Variants in RABGGTB observed in about 807,000 individuals in gnomAD.
RABGGTB encodes geranylgeranyl transferase type-2 subunit beta.
In RABGGTB, 20 loss-of-function variants were observed where a neutral mutation model predicts 44.5. That is an observed-to-expected ratio of 0.45 (90% CI 0.32 to 0.65). RABGGTB has a LOEUF of 0.65. RABGGTB is among the 30% of genes least tolerant of loss of function. The pLI is 0.05. For missense variants in RABGGTB, 302 were observed against 398.7 expected (o/e 0.76, Z 2.06); for synonymous variants, 128 against 136.7 (o/e 0.94, Z 0.44).
Position 75,787,507 on chromosome 1 carries a change from A to C in RABGGTB, c.14A>C (p.Gln5Pro). 6.2e-7 allele frequency: 1 copy of C among 1,613,478 alleles called. No homozygotes were observed. Among genetic ancestry groups the C allele is most frequent in the Non-Finnish European group, 8.5e-7 (1 of 1,179,388 alleles). Residue 5 changes from glutamine (Q) to proline (P), a missense_variant, in exon 2 of 9, where the codon CAG (glutamine) becomes CCG (proline). Physicochemically the swap from Gln to Pro is moderately conservative, Grantham distance 76. Around this residue, in one of 2 missense-constraint regions of RABGGTB, gnomAD observed 89 missense variants for 75.0 expected, o/e 1.19. Transcript: ENST00000319942. The part of the protein sequence containing the change: MGTP[Q>P]KDVIIKSDAP... ...ACTTTATTTTGAAAGGGCACTCCAC[A>C]GAAGGATGTTATTATCAAGTCAGAT...
Position 75,794,597 on chromosome 1 carries a change from A to T in RABGGTB, c.943A>T (p.Met315Leu). The change falls in exon 9 of 9, where the codon ATG becomes TTG. Residue 315 changes from methionine (M) to leucine (L), a missense_variant. Met to Leu is a conservative substitution (Grantham distance 15). Coordinates refer to ENST00000319942, the MANE Select transcript of RABGGTB (RefSeq NM_004582.4). The part of the protein sequence containing the change: ...QIKPVNPVFC[M>L]PEEVLQRVNV... ...TAAACCTGTTAATCCTGTCTTTTGCATGCCTGAAGAAGTGCTTCAGAGAGT... is the reference window on the plus strand; with the variant it reads ...TAAACCTGTTAATCCTGTCTTTTGCTTGCCTGAAGAAGTGCTTCAGAGAGT... The T allele has an allele frequency of 6.2e-7, 1 of 1,613,318 alleles. No individual in the cohort carries two copies. The highest frequency in any genetic ancestry group is 8.5e-7 in the Non-Finnish European group (1 of 1,179,566).
intron 7 of RABGGTB, among the ~76,000 whole-genome samples, chr1:75,792,775 G>A (rs890365452): frequency 1.3e-5 from 2 of 152,156 alleles, no homozygotes; most frequent in East Asian, 3.9e-4. Flanking sequence ...GCCATAAGTG[G>A]TAAGAAATGA....
At position 75,786,270 on chromosome 1, in the gene RABGGTB, A is replaced by G; in HGVS notation, c.-2A>G. ...CCCTGCTCTCTCCTTTCCCTGTTAG[A>G]CATGGTAAGTGTGAGTTTAGCGCTG... is the stretch of plus-strand genomic sequence containing the variant. On this transcript the variant is annotated 5_prime_UTR_variant, in exon 1 of 9. Coordinates refer to ENST00000319942, the MANE Select transcript of RABGGTB (RefSeq NM_004582.4). The G allele has an allele frequency of 6.2e-7, 1 of 1,614,170 alleles. No homozygotes were observed. Among genetic ancestry groups the G allele is most frequent in the Non-Finnish European group, 8.5e-7 (1 of 1,180,038 alleles).
At chr1:75,794,395 A>AT in intron 8 of RABGGTB, 115 bp from the exon 9 acceptor site, 2 of 1,325,696 alleles carry the variant, frequency 1.5e-6, no homozygotes, top group Non-Finnish European at 2.1e-6. Flanking sequence ...TCTTACAGAA[A>AT]TTTCTTGTCG....
At chr1:75,790,827 AC>A (rs1245122150) in intron 4 of RABGGTB, among the ~76,000 whole-genome samples, 2 of 152,040 alleles carry the variant, frequency 1.3e-5, no homozygotes, top group African/African-American at 4.8e-5. Context: ...GTGCACCACA[AC>A]ACCTGGCTGG....
chr1:75,786,249 G>C (rs762915321), upstream of RABGGTB: 10 of 1,613,996 alleles, frequency 6.2e-6, no homozygotes, highest in Non-Finnish European at 7.6e-6. Flanking sequence ...AACTGACCCT[G>C]CTCTCTCCTT....
chr1:75,786,561 CTT>C, intron 1 of RABGGTB: 6 of 368,476 alleles, frequency 1.6e-5, no homozygotes, highest in East Asian at 8.9e-5. Context: ...TGATTGGTGG[CTT>C]TTTTTTTTCT....
At chr1:75,789,656 C>A in intron 3 of RABGGTB, 1 of 599,590 alleles carries the variant, frequency 1.7e-6, no homozygotes, top group Non-Finnish European at 3.0e-6. Context: ...TAAAGTCTTT[C>A]TGGTACTACT....
intron 7 of RABGGTB, 156 bp from the exon 8 acceptor site, chr1:75,793,928 C>G (rs2100490815): frequency 1.6e-6 from 1 of 627,750 alleles, no homozygotes; most frequent in Non-Finnish European, 2.6e-6. Flanking sequence ...ATTTCATACC[C>G]TGCATATCAG....
intron 2 of RABGGTB, chr1:75,788,541 C>T (rs1057488175): frequency 1.3e-5 from 2 of 153,694 alleles, no homozygotes; most frequent in Admixed American, 6.4e-5. Flanking sequence ...TCTGCCTGCC[C>T]CAGCTTTCCA....
intron 3 of RABGGTB, 129 bp downstream of exon 3, chr1:75,789,485 A>T (rs772643263): frequency 4.4e-6 from 4 of 904,572 alleles, no homozygotes; most frequent in African/African-American, 1.6e-5. Context: ...AAGGTCAATG[A>T]TGTAATGGCA....
chr1:75,794,519 T>G lies in RABGGTB; in HGVS notation c.865T>G (p.Phe289Val). The change falls in exon 9 of 9, where the codon TTT becomes GTT. Residue 289 changes from phenylalanine (F) to valine (V), a missense_variant. Phe to Val is a conservative substitution (Grantham distance 50). This residue lies in a region of RABGGTB where 213 missense variants were observed against 323.7 expected (regional missense o/e 0.66). Coordinates refer to ENST00000319942, the MANE Select transcript of RABGGTB (RefSeq NM_004582.4). ...ATTCTTTTTTAAATAGGTGGATCCTTTTCATACCTTATTTGGAATTGCTGG... is the reference window on the plus strand; with the variant it reads ...ATTCTTTTTTAAATAGGTGGATCCTGTTCATACCTTATTTGGAATTGCTGG... ...ADRPGDMVDP[F>V]HTLFGIAGLS... The G allele has an allele frequency of 6.2e-7, 1 of 1,611,206 alleles. No homozygotes were observed. The highest frequency in any genetic ancestry group is 8.5e-7 in the Non-Finnish European group (1 of 1,178,354).
intron 2 of RABGGTB, chr1:75,788,729 A>G (rs920055895): frequency 6.2e-6 from 1 of 162,522 alleles, no homozygotes; most frequent in African/African-American, 2.4e-5. Context: ...GGGCATTTTG[A>G]TTTTTCATGT....
At chr1:75,790,236 A>T in intron 4 of RABGGTB, 179 bp downstream of exon 4, 1 of 1,339,612 alleles carries the variant, frequency 7.5e-7, no homozygotes, top group East Asian at 2.8e-5. Flanking sequence ...CAGCATATAC[A>T]GGAGCACTGG....
At position 75,794,203 on chromosome 1, in the gene RABGGTB, G is replaced by C. The variant is rs374261688; in HGVS notation, c.825G>C (p.Thr275=). Residue 275 remains threonine, a synonymous_variant, in exon 8 of 9, where the codon ACG becomes ACC. Transcript: ENST00000319942. Reference sequence around the variant, plus strand: ...TTTTAGCATGTCAAGATGAAGAAACGGGGGGATTTGCAGACAGGCCAGGAG... The same window carrying C: ...TTTTAGCATGTCAAGATGAAGAAACCGGGGGATTTGCAGACAGGCCAGGAG... The part of the protein sequence containing the change: ...NFILACQDEE[T]GGFADRPGDM... The C allele has an allele frequency of 6.2e-7, 1 of 1,612,940 alleles. No individual in the cohort carries two copies. Among genetic ancestry groups the C allele is most frequent in the Non-Finnish European group, 8.5e-7 (1 of 1,179,234 alleles).
chr1:75,791,824 C>A, intron 6 of RABGGTB: 3 of 431,786 alleles, frequency 6.9e-6, no homozygotes, highest in Non-Finnish European at 1.2e-5. Context: ...TTTTGTTTTC[C>A]ATTAATTTTT....
intron 2 of RABGGTB, 99 bp from the exon 3 acceptor site, chr1:75,789,060 A>G: frequency 8.9e-7 from 1 of 1,128,924 alleles, no homozygotes; most frequent in Non-Finnish European, 1.3e-6. Flanking sequence ...AGGAGAGGTA[A>G]AAATAGCAGC....
Position 75,792,217 on chromosome 1 carries a change from C to A in RABGGTB, c.616C>A (p.Gln206Lys), listed in dbSNP as rs1463478876. 2 of 1,613,000 alleles carry A rather than the reference C, an allele frequency of 1.2e-6. No individual in the cohort carries two copies. The highest frequency in any genetic ancestry group is 3.3e-4 in the Middle Eastern group (2 of 6,060). ...CCTGFLAITSQLHQVNSDLLG... is the reference protein window; with the variant it reads ...CCTGFLAITSKLHQVNSDLLG... ...CACAGGATTTCTGGCAATTACAAGT[C>A]AGTTGCATCAAGTAAATTCTGATTT... Residue 206 changes from glutamine (Q) to lysine (K), a missense_variant, in exon 7 of 9, where the codon CAG becomes AAG. By Grantham distance (53) the Gln-to-Lys change is moderately conservative. This residue lies in a region of RABGGTB where 213 missense variants were observed against 323.7 expected (regional missense o/e 0.66). Transcript: ENST00000319942.
chr1:75,786,589 A>G, intron 1 of RABGGTB: 1 of 380,530 alleles, frequency 2.6e-6, no homozygotes, highest in South Asian at 3.7e-5. Context: ...AGGGGGTGTC[A>G]AAGATTTCTT....
Sources: allele counts gnomAD v4.1 joint callset (sites outside exome capture counted in the v4.1 genomes callset), GRCh38; gene constraint gnomAD v4.1.1; regional missense constraint gnomAD v4.1.1; transcripts MANE v1.5; gene names NCBI Gene and HGNC (gene_info 2026-07-23, HGNC 2026-07-21).